Variants in ZNF138 observed in about 807,000 individuals in gnomAD.
ZNF138 encodes the protein zinc finger protein 138.
Under a neutral mutation model 33.0 loss-of-function variants are expected in ZNF138, and 33 were observed. The ratio of observed to expected loss-of-function variants is 1.00; its 90% CI spans 0.76 to 1.34. The LOEUF (loss-of-function observed/expected upper bound fraction) is 1.34, where lower values mean the gene tolerates loss of function less well. Among genes scored for constraint, ZNF138 ranks in the 40% most tolerant of loss-of-function variants. The pLI, the probability that ZNF138 is intolerant of heterozygous loss-of-function variation, is 0.00. For missense variants in ZNF138, 360 were observed against 370.8 expected, an observed-to-expected ratio of 0.97 and a Z score of 0.24; for synonymous variants, 139 against 120.4, an observed-to-expected ratio of 1.15 and a Z score of -1.01.
intron 1 of ZNF138, among the ~76,000 whole-genome samples, chr7:64,805,049 C>T (rs1787465522): frequency 6.6e-6 from 1 of 152,084 alleles, no homozygotes; most frequent in African/African-American, 2.4e-5. Context: ...TGGAGCTATC[C>T]CTATCTGGAC....
chr7:64,800,135 T>C (rs1159828371), intron 1 of ZNF138, among the ~76,000 whole-genome samples: 15 of 152,198 alleles, frequency 9.9e-5, no homozygotes, highest in Admixed American at 9.8e-4. Flanking sequence ...TTATGTTGTC[T>C]GTGAACAGGG....
chr7:64,838,271 G>T (rs1170200449), downstream of ZNF138, among the ~76,000 whole-genome samples: 1 of 152,218 alleles, frequency 6.6e-6, no homozygotes, highest in South Asian at 2.1e-4. Flanking sequence ...CTGACTTCCA[G>T]TGCCCCATTT....
At chr7:64,853,057 C>A in the ZNF138 span, 50 of 1,460,330 alleles carry the variant, frequency 3.4e-5, no homozygotes, top group Non-Finnish European at 4.4e-5. Context: ...CACATGCTAT[C>A]CTGCCTGTCA....
chr7:64,827,136 C>CT (rs1789687199), intron 3 of ZNF138, among the ~76,000 whole-genome samples: 4 of 149,554 alleles, frequency 2.7e-5, no homozygotes, highest in Admixed American at 2.0e-4. Context: ...TATGCAGTGT[C>CT]TTACTATGTT....
At chr7:64,817,665 A>G (rs1011634595) in intron 3 of ZNF138, among the ~76,000 whole-genome samples, 4 of 152,316 alleles carry the variant, frequency 2.6e-5, no homozygotes, top group African/African-American at 9.6e-5. Context: ...AATTTTTGTC[A>G]GGGATGGCTG....
intron 3 of ZNF138, among the ~76,000 whole-genome samples, chr7:64,820,632 C>A (rs1789050694): frequency 6.6e-6 from 1 of 151,558 alleles, no homozygotes; most frequent in African/African-American, 2.4e-5. Flanking sequence ...GACACAATAC[C>A]AGGTCACTGC....
At chr7:64,823,061 G>C (rs913035788) in intron 3 of ZNF138, among the ~76,000 whole-genome samples, 1 of 151,486 alleles carries the variant, frequency 6.6e-6, no homozygotes, top group African/African-American at 2.4e-5. Context: ...TGTATTTTTA[G>C]TAGAGACGGG....
chr7:64,854,814 T>C, the ZNF138 span, among the ~76,000 whole-genome samples: 4 of 152,216 alleles, frequency 2.6e-5, no homozygotes, highest in East Asian at 7.7e-4. Flanking sequence ...GAGTATTCTT[T>C]AGGTGGCTTC....
chr7:64,805,839 G>T (rs1299644714), intron 1 of ZNF138, among the ~76,000 whole-genome samples: 1 of 152,198 alleles, frequency 6.6e-6, no homozygotes, highest in African/African-American at 2.4e-5. Context: ...TTTTGTCGTT[G>T]GTTATAACCA....
At chr7:64,813,713 C>T (rs779024130) in intron 1 of ZNF138, among the ~76,000 whole-genome samples, 112 of 152,190 alleles carry the variant, frequency 7.4e-4, no homozygotes, top group Non-Finnish European at 1.3e-3. Context: ...GGATTACAGG[C>T]GTGAGTCACC....
At chr7:64,837,698 C>G (rs1410984688), downstream of ZNF138, among the ~76,000 whole-genome samples, 1 of 152,094 alleles carries the variant, frequency 6.6e-6, no homozygotes, top group African/African-American at 2.4e-5. Flanking sequence ...TGTGTAACTT[C>G]CAGTTAACGT....
chr7:64,846,670 A>T, the ZNF138 span, among the ~76,000 whole-genome samples: 1 of 152,114 alleles, frequency 6.6e-6, no homozygotes, highest in Admixed American at 6.5e-5. Context: ...AGGAGTCTTT[A>T]GTGCTTTCTA....
the ZNF138 span, among the ~76,000 whole-genome samples, chr7:64,843,968 T>G: frequency 6.6e-6 from 1 of 152,070 alleles, no homozygotes; most frequent in Non-Finnish European, 1.5e-5. Context: ...GGACTACTGG[T>G]GTGCGCCACC....
the ZNF138 span, chr7:64,852,331 G>T: frequency 9.2e-7 from 1 of 1,088,980 alleles, no homozygotes; most frequent in South Asian, 1.3e-5. Context: ...GTCTTTAATT[G>T]AAGCGATGAT....
intron 1 of ZNF138, among the ~76,000 whole-genome samples, chr7:64,814,593 C>G (rs533899492): frequency 6.6e-6 from 1 of 151,992 alleles, no homozygotes; most frequent in South Asian, 2.1e-4. Flanking sequence ...AGTGAAGCCC[C>G]GTTTCTACTA....
At chr7:64,827,299 G>A (rs973606490) in intron 3 of ZNF138, among the ~76,000 whole-genome samples, 6 of 150,750 alleles carry the variant, frequency 4.0e-5, no homozygotes, top group African/African-American at 1.5e-4. Context: ...CCAGGCTCGA[G>A]TGCAGTGGCA....
chr7:64,831,494 C>CAT lies in ZNF138; in HGVS notation c.254_255dup (p.Lys86Ter). On this transcript the variant is annotated frameshift_variant, in exon 4 of 4. Transcript: ENST00000307355. LOFTEE classifies it high-confidence loss of function. ...CCCAAGACCTTTGGCTAGAGCAGAA[C>CAT]ATAAAAGATTCTTTCCAAAAAGTGA... The CAT allele has an allele frequency of 1.2e-6, 2 of 1,600,714 alleles. No individual in the cohort carries two copies. Among genetic ancestry groups the CAT allele is most frequent in the Non-Finnish European group, 1.7e-6 (2 of 1,175,420 alleles).
chr7:64,851,337 A>T, the ZNF138 span, among the ~76,000 whole-genome samples: 1,937 of 152,298 alleles, frequency 0.013, 34 homozygotes, highest in African/African-American at 0.044. Flanking sequence ...ACAGCAATTT[A>T]AAAAATTAAG....
At chr7:64,830,918 A>G in intron 3 of ZNF138, 1 of 1,546,868 alleles carries the variant, frequency 6.5e-7, no homozygotes. Context: ...ACTTGCTACA[A>G]CTGTTCCCTG....
Sources: gnomAD v4.1 joint callset for allele counts (sites outside exome capture counted in the v4.1 genomes callset) on GRCh38, gnomAD v4.1.1 for gene constraint, MANE v1.5 for transcripts, NCBI Gene and HGNC (gene_info 2026-07-23, HGNC 2026-07-21) for gene names.